The following NEDD9 variants were observed in gnomAD, a reference collection of about 807,000 sequenced individuals.
NEDD9 encodes neural precursor cell expressed, developmentally down-regulated 9, also known as enhancer of filamentation 1.
NEDD9 carries 26 observed loss-of-function variants against 76.6 expected under a neutral mutation model. That is an observed-to-expected ratio of 0.34 (90% CI 0.25 to 0.47). The LOEUF (loss-of-function observed/expected upper bound fraction) is 0.47. NEDD9 is among the 20% of genes least tolerant of loss of function. The pLI, the probability that NEDD9 is intolerant of heterozygous loss-of-function variation, is 1.00. For synonymous variants in NEDD9, 392 were observed against 414.2 expected, an observed-to-expected ratio of 0.95 and a Z score of 0.65; for missense variants, 937 against 1,058.5, an observed-to-expected ratio of 0.89 and a Z score of 1.59.
chr6:11,233,403 A>T, upstream of NEDD9: 1 of 519,018 alleles, frequency 1.9e-6, no homozygotes, highest in East Asian at 5.4e-5. Context: ...TGCTGAGGAT[A>T]AAGGTTAGAT....
chr6:11,284,916 C>A (rs1288814919), intron 3 of NEDD9, among the ~76,000 whole-genome samples: 1 of 151,346 alleles, frequency 6.6e-6, no homozygotes, highest in Non-Finnish European at 1.5e-5. Context: ...TTATGAAGAC[C>A]CTTATGAGGG....
chr6:11,187,238 A>G (rs1006236259), intron 6 of NEDD9, among the ~76,000 whole-genome samples: 2 of 152,188 alleles, frequency 1.3e-5, no homozygotes, highest in Admixed American at 1.3e-4. Context: ...GATTTCCTAA[A>G]TATAGCATGC....
At chr6:11,295,865 C>T (rs557401479) in intron 3 of NEDD9, among the ~76,000 whole-genome samples, 1 of 152,216 alleles carries the variant, frequency 6.6e-6, no homozygotes, top group African/African-American at 2.4e-5. Flanking sequence ...CTCAATCAAA[C>T]TGTTCCTGTA....
intron 3 of NEDD9, among the ~76,000 whole-genome samples, chr6:11,285,681 A>G (rs1384514050): frequency 2.0e-5 from 3 of 152,210 alleles, no homozygotes; most frequent in East Asian, 1.9e-4. Flanking sequence ...TGACAAATAG[A>G]TAAGTGGAAT....
At chr6:11,228,630 A>T (rs1345978260) in intron 1 of NEDD9, among the ~76,000 whole-genome samples, 1 of 151,950 alleles carries the variant, frequency 6.6e-6, no homozygotes, top group African/African-American at 2.4e-5. Flanking sequence ...ACAGGGACTG[A>T]CGTGTATCCC....
intron 1 of NEDD9, among the ~76,000 whole-genome samples, chr6:11,373,011 G>A (rs1397225717): frequency 1.3e-5 from 2 of 151,968 alleles, no homozygotes; most frequent in East Asian, 3.8e-4. Flanking sequence ...ACACAATGAA[G>A]GAAGAGGCCA....
intron 1 of NEDD9, among the ~76,000 whole-genome samples, chr6:11,336,818 T>C (rs1404182801): frequency 6.6e-6 from 1 of 152,242 alleles, no homozygotes; most frequent in Non-Finnish European, 1.5e-5. Context: ...CGTATTAGCC[T>C]AGCCCTACAT....
chr6:11,364,392 A>T (rs760610541), intron 1 of NEDD9, among the ~76,000 whole-genome samples: 4 of 152,176 alleles, frequency 2.6e-5, no homozygotes, highest in Non-Finnish European at 4.4e-5. Context: ...TGTCTCTATG[A>T]TGAATCCTGT....
intron 3 of NEDD9, among the ~76,000 whole-genome samples, chr6:11,300,815 A>G (rs952572574): frequency 9.2e-5 from 14 of 152,228 alleles, no homozygotes; most frequent in African/African-American, 3.4e-4. Flanking sequence ...GCAAATGCTG[A>G]GAGATTTTGT....
At chr6:11,323,647 C>T (rs772104429) in intron 2 of NEDD9, among the ~76,000 whole-genome samples, 7 of 152,178 alleles carry the variant, frequency 4.6e-5, no homozygotes, top group Non-Finnish European at 1.0e-4. Flanking sequence ...CCCAAATGTT[C>T]ATGGTTTCAA....
At chr6:11,308,850 T>C (rs1761278002) in intron 2 of NEDD9, among the ~76,000 whole-genome samples, 1 of 152,228 alleles carries the variant, frequency 6.6e-6, no homozygotes, top group Non-Finnish European at 1.5e-5. Context: ...GATCCTTTGT[T>C]TTAAACTCAT....
intron 1 of NEDD9, among the ~76,000 whole-genome samples, chr6:11,378,203 A>G (rs909951607): frequency 1.3e-5 from 2 of 152,184 alleles, no homozygotes; most frequent in Admixed American, 6.5e-5. Flanking sequence ...AGATTGCACC[A>G]CTGCACTCCA....
intron 5 of NEDD9, 143 bp downstream of exon 5, chr6:11,189,821 C>T: frequency 1.9e-6 from 2 of 1,068,702 alleles, no homozygotes; most frequent in Non-Finnish European, 2.6e-6. Context: ...CTCTACGACA[C>T]TCCCTCCAAT....
chr6:11,238,395 A>G (rs1161018822), intron 3 of NEDD9, among the ~76,000 whole-genome samples: 1 of 152,186 alleles, frequency 6.6e-6, no homozygotes, highest in Non-Finnish European at 1.5e-5. Flanking sequence ...GAATTAATGC[A>G]CTTCGTTATC....
At position 11,198,029 on chromosome 6, in the gene NEDD9, C is replaced by G. The variant is rs1279083721; in HGVS notation, c.460-4337G>C. On this transcript the variant is annotated intron_variant, in intron 2 of 6. Transcript: ENST00000379446. This position sits in a 1 kb window ranked among gnomAD's most constrained non-coding sequence, Gnocchi z 4.7. ...AGCAAGGGTCCTATACTCAGATGCT[C>G]ACGGACCGAGCAAGCAGGGTGTAGG... 6.6e-6 allele frequency among the ~76,000 whole-genome samples: 1 copy of G among 152,064 alleles called. No homozygotes were observed. The highest frequency in any genetic ancestry group is 1.5e-5 in the Non-Finnish European group (1 of 68,014).
At chr6:11,257,045 C>T (rs939804361) in intron 3 of NEDD9, among the ~76,000 whole-genome samples, 1 of 152,204 alleles carries the variant, frequency 6.6e-6, no homozygotes, top group Non-Finnish European at 1.5e-5. Context: ...CTTTGGCACT[C>T]AGGCCCTGGA....
At chr6:11,368,037 G>A (rs534783817) in intron 1 of NEDD9, among the ~76,000 whole-genome samples, 2 of 152,120 alleles carry the variant, frequency 1.3e-5, no homozygotes, top group South Asian at 4.1e-4. Flanking sequence ...TCGTGTTTTC[G>A]TGGATGAGGC....
At chr6:11,199,385 GT>G (rs766250823) in intron 2 of NEDD9, 5 of 152,152 alleles carry the variant, frequency 3.3e-5, no homozygotes, top group Admixed American at 6.5e-5. Context: ...TTCTAAGCCT[GT>G]TTTCTCATAG....
chr6:11,353,406 C>A (rs1228665276), intron 1 of NEDD9, among the ~76,000 whole-genome samples: 1 of 152,062 alleles, frequency 6.6e-6, no homozygotes, highest in Non-Finnish European at 1.5e-5. Context: ...AGAAGGCGGC[C>A]CTGTGAAGAT....
Sources: allele counts gnomAD v4.1 joint callset (sites outside exome capture counted in the v4.1 genomes callset), GRCh38; gene constraint gnomAD v4.1.1; non-coding constraint Gnocchi (gnomAD v3.1); transcripts MANE v1.5; gene names NCBI Gene and HGNC (gene_info 2026-07-23, HGNC 2026-07-21).